THADA: variants seen among roughly 807,000 people sequenced by gnomAD.
THADA encodes tRNA (32-2'-O)-methyltransferase regulator THADA.
Under a neutral mutation model 219.8 loss-of-function variants are expected in THADA, and 213 were observed. The observed-to-expected ratio is 0.97, with a 90% CI of 0.87 to 1.09. The LOEUF is 1.09. Ranked by LOEUF, THADA falls within the 50% of genes least tolerant of loss-of-function variation. THADA has a pLI of 0.00. For synonymous variants in THADA, 1,018 were observed against 828.9 expected, an observed-to-expected ratio of 1.23 and a Z score of -3.92; for missense variants, 2,956 against 2,311.3, an observed-to-expected ratio of 1.28 and a Z score of -5.72.
At chr2:43,396,100 T>G (rs1674011187) in intron 29 of THADA, among the ~76,000 whole-genome samples, 3 of 152,168 alleles carry the variant, frequency 2.0e-5, no homozygotes, top group African/African-American at 4.8e-5. Flanking sequence ...GACAAAACTC[T>G]CTGGGAGCCG....
intron 8 of THADA, among the ~76,000 whole-genome samples, chr2:43,581,447 T>A (rs1326606048): frequency 6.6e-6 from 1 of 151,532 alleles, no homozygotes; most frequent in Admixed American, 6.6e-5. Flanking sequence ...CGAGAATCGC[T>A]TGAACCTGGG....
intron 22 of THADA, among the ~76,000 whole-genome samples, chr2:43,514,702 A>T (rs1242882523): frequency 6.0e-5 from 5 of 83,804 alleles, no homozygotes; most frequent in South Asian, 3.4e-4. Flanking sequence ...AATATATATA[A>T]TATATATATA....
At chr2:43,515,006 T>A (rs1691190832) in intron 22 of THADA, among the ~76,000 whole-genome samples, 1 of 59,266 alleles carries the variant, frequency 1.7e-5, no homozygotes, top group Non-Finnish European at 2.8e-5. Context: ...TATAATATTA[T>A]ATATATTATA....
At chr2:43,563,759 A>G (rs759160992) in intron 15 of THADA, 3 of 152,192 alleles carry the variant, frequency 2.0e-5, no homozygotes, top group Non-Finnish European at 4.4e-5. Flanking sequence ...AAACCATTTG[A>G]CTAATCTCAA....
At chr2:43,236,153 G>A (rs1030044831) in intron 36 of THADA, among the ~76,000 whole-genome samples, 1 of 152,186 alleles carries the variant, frequency 6.6e-6, no homozygotes, top group South Asian at 2.1e-4. Flanking sequence ...GAAGGGGCAG[G>A]AGAGTGGCGG....
intron 1 of THADA, among the ~76,000 whole-genome samples, chr2:43,593,884 C>A (rs1168435603): frequency 2.0e-4 from 30 of 152,094 alleles, no homozygotes; most frequent in Admixed American, 1.9e-3. Flanking sequence ...CCACCCACCT[C>A]GGCCCCCCAA....
At chr2:43,528,025 G>T in intron 21 of THADA, 37 bp from the exon 22 acceptor site, 1 of 1,420,574 alleles carries the variant, frequency 7.0e-7, no homozygotes, top group Non-Finnish European at 9.7e-7. Context: ...TCCGATTTAT[G>T]TTTACATTCG....
chr2:43,293,294 T>A, intron 31 of THADA, 81 bp from the exon 32 acceptor site: 4 of 1,300,950 alleles, frequency 3.1e-6, no homozygotes, highest in Non-Finnish European at 4.2e-6. Flanking sequence ...GAAGACTGAA[T>A]CCACTGCGTG....
In THADA at chr2:43,353,518, T is replaced by C. The variant is rs976269191; in HGVS notation, c.4228-9281A>G. Among the ~76,000 whole-genome samples the C allele has an allele frequency of 2.6e-5, 4 of 152,214 alleles. No individual in the cohort carries two copies. The East Asian group carries it at 5.8e-4, about 22-fold the overall frequency. On this transcript the variant is annotated intron_variant, in intron 29 of 37. Coordinates refer to ENST00000405975, the MANE Select transcript of THADA (RefSeq NM_022065.5). ...TAAAAGAGATGGGTATTCAAGTTCG[T>C]TGCCCATTTTTAAATTGGGTTATAT...
intron 25 of THADA, among the ~76,000 whole-genome samples, chr2:43,491,422 C>T (rs1687623126): frequency 6.6e-6 from 1 of 152,112 alleles, no homozygotes; most frequent in African/African-American, 2.4e-5. Flanking sequence ...AAAGGGTAAG[C>T]AGTAGTACAG....
chr2:43,322,976 G>A (rs556193519), intron 30 of THADA, among the ~76,000 whole-genome samples: 62 of 152,084 alleles, frequency 4.1e-4, no homozygotes, highest in African/African-American at 1.4e-3. Context: ...GTGAGCCACC[G>A]CGCCAGGCTC....
Position 43,569,433 on chromosome 2 carries a change from T to C in THADA, c.2187+955A>G, listed in dbSNP as rs1373082043. Among the ~76,000 whole-genome samples, 3 of 152,230 alleles carry C rather than the reference T, an allele frequency of 2.0e-5. 1 individual carries two copies. The highest frequency in any genetic ancestry group is 4.4e-5 in the Non-Finnish European group (3 of 68,040). On this transcript the variant is annotated intron_variant, in intron 14 of 37. Coordinates refer to ENST00000405975, the MANE Select transcript of THADA (RefSeq NM_022065.5). ...TGAGAAAGGTTACTAATTCTGCTTA[T>C]AGTTGACGAGACTCAAGTCAGCCAA... is the stretch of plus-strand genomic sequence containing the variant.
intron 28 of THADA, among the ~76,000 whole-genome samples, chr2:43,413,177 T>C (rs946442394): frequency 6.6e-6 from 1 of 152,200 alleles, no homozygotes; most frequent in Non-Finnish European, 1.5e-5. Flanking sequence ...TAGGGCTATT[T>C]TCTTTATTTT....
intron 28 of THADA, among the ~76,000 whole-genome samples, chr2:43,413,085 T>G (rs1453944539): frequency 6.6e-6 from 1 of 152,212 alleles, no homozygotes; most frequent in South Asian, 2.1e-4. Flanking sequence ...CTTCATGATT[T>G]GAAATAGGGT....
intron 26 of THADA, among the ~76,000 whole-genome samples, chr2:43,436,988 A>G (rs945103995): frequency 1.3e-5 from 2 of 152,216 alleles, no homozygotes; most frequent in African/African-American, 2.4e-5. Flanking sequence ...GATGTCTACG[A>G]AGATCTCTCC....
In THADA at chr2:43,523,227, T is replaced by C. The variant is rs151034083; in HGVS notation, c.3374+4652A>G. ...AAAAAATACAAAAATTAGCTGGGCA[T>C]GGTGGCAGACACCCGTAAGTCCTAG... On this transcript the variant is annotated intron_variant, in intron 22 of 37. Transcript: ENST00000405975. Among the ~76,000 whole-genome samples the C allele has an allele frequency of 7.1e-3, 1,086 of 152,116 alleles. 11 individuals are homozygous for C. Among genetic ancestry groups the C allele is most frequent in the African/African-American group, 0.025 (1,035 of 41,474 alleles).
At position 43,566,752 on chromosome 2, in the gene THADA, A is replaced by C; in HGVS notation, c.2257T>G (p.Phe753Val). The change falls in exon 15 of 38, where the codon TTT becomes GTT. Residue 753 changes from phenylalanine (F) to valine (V), a missense_variant. Phe to Val is a conservative substitution (Grantham distance 50). Coordinates refer to ENST00000405975, the MANE Select transcript of THADA (RefSeq NM_022065.5). ...LFPGSSYSTR[F>V]SALTILGSIA... Reference sequence around the variant, plus strand: ...GAACCTAAAATGGTTAAAGCTGAAAATCTAGTCGAGTAGGAAGATCCAGGA... The same window carrying C: ...GAACCTAAAATGGTTAAAGCTGAAACTCTAGTCGAGTAGGAAGATCCAGGA... 6.3e-7 allele frequency: 1 copy of C among 1,586,064 alleles called. No individual in the cohort carries two copies. Among genetic ancestry groups the C allele is most frequent in the Non-Finnish European group, 8.5e-7 (1 of 1,171,460 alleles).
intron 28 of THADA, among the ~76,000 whole-genome samples, chr2:43,406,454 C>T (rs755176597): frequency 6.6e-6 from 1 of 152,162 alleles, no homozygotes; most frequent in African/African-American, 2.4e-5. Flanking sequence ...AATGTTTCAT[C>T]ATTTTTTGAG....
intron 29 of THADA, among the ~76,000 whole-genome samples, chr2:43,389,587 G>A (rs913636346): frequency 1.1e-4 from 16 of 152,146 alleles, no homozygotes; most frequent in African/African-American, 3.9e-4. Flanking sequence ...AAACTGCTTG[G>A]CCCGGCATTT....
Sources: allele counts gnomAD v4.1 joint callset (sites outside exome capture counted in the v4.1 genomes callset), GRCh38; gene constraint gnomAD v4.1.1; transcripts MANE v1.5; gene names NCBI Gene and HGNC (gene_info 2026-07-23, HGNC 2026-07-21).